Variants in PIGR observed in about 807,000 individuals in gnomAD.
PIGR encodes the protein polymeric immunoglobulin receptor, also known as hepatocellular carcinoma associated protein TB6.
Under a neutral mutation model 69.5 loss-of-function variants are expected in PIGR, and 22 were observed. That is an observed-to-expected ratio of 0.32 (90% confidence interval 0.23 to 0.45). The LOEUF is 0.45. Ranked by LOEUF, PIGR falls within the 20% of genes least tolerant of loss-of-function variation. The pLI is 1.00. For missense variants in PIGR, 885 were observed against 974.0 expected, an observed-to-expected ratio of 0.91 and a Z score of 1.22; for synonymous variants, 413 against 407.6, an observed-to-expected ratio of 1.01 and a Z score of -0.16.
In PIGR at chr1:206,935,507, C is replaced by T. The variant is rs753052182; in HGVS notation, c.1357G>A (p.Val453Met). The T allele has an allele frequency of 2.2e-5, 36 of 1,613,384 alleles. No individual in the cohort carries two copies. The highest frequency in any genetic ancestry group is 2.5e-5 in the Non-Finnish European group (30 of 1,179,564). ...CTACCTTCGATAATCTTGATCTCCA[C>T]GGTGGTCCTCCAGAGAGTATCGCCG... ...TNGDTLWRTT[V>M]EIKIIEGEPN... The change falls in exon 5 of 11, where the codon GTG becomes ATG. Residue 453 changes from valine to methionine, a missense_variant. By Grantham distance (21) the Val-to-Met change is conservative. Transcript: ENST00000356495. The surrounding 1 kb of genome is among the most constrained non-coding windows in gnomAD (Gnocchi z 4.4).
intron 1 of PIGR, among the ~76,000 whole-genome samples, chr1:206,944,388 G>T (rs1022448427): frequency 6.6e-6 from 1 of 152,118 alleles, no homozygotes; most frequent in East Asian, 1.9e-4. Flanking sequence ...TAGGAGAATC[G>T]CTGGAACCCA....
At chr1:206,931,416 G>A in intron 10 of PIGR, 81 bp downstream of exon 10, 1 of 1,612,870 alleles carries the variant, frequency 6.2e-7, no homozygotes, top group Non-Finnish European at 8.5e-7. Flanking sequence ...CCATGTTGAG[G>A]TAGTTCTTTC....
intron 1 of PIGR, among the ~76,000 whole-genome samples, chr1:206,945,351 C>T (rs1680083356): frequency 6.6e-6 from 1 of 152,198 alleles, no homozygotes; most frequent in African/African-American, 2.4e-5. Context: ...ACAAAGGGAA[C>T]TGGGGGTCAG....
Position 206,937,566 on chromosome 1 carries a change from G to A in PIGR, c.574C>T (p.Arg192Cys), listed in dbSNP as rs773272615. ...TGGCCAGTACCCTGAATATCAAGGC[G>A]TATTCTTCCTGTATAGTTGGGATTT... Reference protein sequence around the residue: ...YVNPNYTGRIRLDIQGTGQLL... With the variant: ...YVNPNYTGRICLDIQGTGQLL... Residue 192 changes from arginine to cysteine, a missense_variant, in exon 4 of 11, where the codon CGC becomes TGC. Physicochemically the swap from Arg to Cys is radical, Grantham distance 180 (BLOSUM62 -3). Transcript: ENST00000356495. 1.2e-4 allele frequency: 200 copies of A among 1,613,994 alleles called. No individual in the cohort carries two copies. The highest frequency in any genetic ancestry group is 1.6e-4 in the Non-Finnish European group (186 of 1,179,978).
In PIGR at chr1:206,930,151, A is replaced by C. The variant is rs1465116780; in HGVS notation, c.*167T>G. 2 of 499,662 alleles carry C rather than the reference A, an allele frequency of 4.0e-6. No homozygotes were observed. Among genetic ancestry groups the C allele is most frequent in the Non-Finnish European group, 6.9e-6 (2 of 289,802 alleles). The allele number at this position is 499,662 out of a possible 1,614,324, so 31.0% of individuals were successfully genotyped here. On this transcript the variant is annotated 3_prime_UTR_variant, in exon 11 of 11. Coordinates refer to ENST00000356495, the MANE Select transcript of PIGR (RefSeq NM_002644.4). The surrounding 1 kb of genome is among the most constrained non-coding windows in gnomAD (Gnocchi z 4.3). ...CATCCCCAATAGGAACAATTAGGCC[A>C]GGCTTTGATGTCACTGAGGAGGGGA...
Position 206,937,500 on chromosome 1 carries a change from C to T in PIGR, c.640G>A (p.Asp214Asn), listed in dbSNP as rs1227811946. Reference sequence around the variant, plus strand: ...GCCTGGCAGAGATACTGCCCAGCATCGCTGAGCCTGAGTTGGTTGATGACA... The same window carrying T: ...GCCTGGCAGAGATACTGCCCAGCATTGCTGAGCCTGAGTTGGTTGATGACA... ...SVVINQLRLSDAGQYLCQAGD... is the reference protein window; with the variant it reads ...SVVINQLRLSNAGQYLCQAGD... The change falls in exon 4 of 11, where the codon GAT (aspartate) becomes AAT (asparagine). Residue 214 changes from aspartate to asparagine, a missense_variant. Transcript: ENST00000356495. The T allele has an allele frequency of 1.2e-6, 2 of 1,614,190 alleles. No homozygotes were observed. Among genetic ancestry groups the T allele is most frequent in the Non-Finnish European group, 8.5e-7 (1 of 1,180,020 alleles).
chr1:206,934,154 A>G (rs569426019), intron 6 of PIGR, among the ~76,000 whole-genome samples: 18 of 152,266 alleles, frequency 1.2e-4, no homozygotes, highest in Admixed American at 1.0e-3. Flanking sequence ...GAGCCACCAC[A>G]TTCAGCTGGG....
At position 206,930,218 on chromosome 1, in the gene PIGR, G is replaced by T; in HGVS notation, c.*100C>A. 3.0e-6 allele frequency: 3 copies of T among 990,606 alleles called. No individual in the cohort carries two copies. Among genetic ancestry groups the T allele is most frequent in the South Asian group, 1.7e-5 (1 of 57,390 alleles). 61.4% of individuals were successfully genotyped at this position (990,606 alleles called of 1,614,324 possible). The stretch of plus-strand genomic sequence containing the variant: ...GACAGTAGGAAAAACCTAGGCAGGT[G>T]TTAGAGCAGGGAGTGGGGTCCCCAG... On this transcript the variant is annotated 3_prime_UTR_variant, in exon 11 of 11. Coordinates refer to ENST00000356495, the MANE Select transcript of PIGR (RefSeq NM_002644.4). This position sits in a 1 kb window ranked among gnomAD's most constrained non-coding sequence, Gnocchi z 4.3.
At chr1:206,942,661 G>A (rs1183125609) in intron 1 of PIGR, among the ~76,000 whole-genome samples, 1 of 152,218 alleles carries the variant, frequency 6.6e-6, no homozygotes, top group Non-Finnish European at 1.5e-5. Context: ...GGCCTGGGTT[G>A]CAGAGAGTCA....
rs557459598 is a variant in PIGR at position 206,944,790 on chromosome 1, C to T, written c.-54+1546G>A. Among the ~76,000 whole-genome samples, 4 of 152,184 alleles carry T rather than the reference C, an allele frequency of 2.6e-5. No homozygotes were observed. The South Asian group carries it at 6.2e-4, about 24-fold the overall frequency. On this transcript the variant is annotated intron_variant, in intron 1 of 10. Transcript: ENST00000356495. ...GTTGGATAGTTTGCTTTTTAGGTGACATCAAAATGTCCTCATGACCATATC... is the reference window on the plus strand; with the variant it reads ...GTTGGATAGTTTGCTTTTTAGGTGATATCAAAATGTCCTCATGACCATATC...
intron 4 of PIGR, among the ~76,000 whole-genome samples, chr1:206,936,189 C>CAAAAGTG (rs759026168): frequency 2.0e-5 from 3 of 152,194 alleles, no homozygotes; most frequent in Non-Finnish European, 4.4e-5. Flanking sequence ...GTGTATTCCA[C>CAAAAGTG]AAAAGTGGCC....
intron 1 of PIGR, among the ~76,000 whole-genome samples, chr1:206,943,870 A>G (rs548378026): frequency 6.6e-6 from 1 of 152,318 alleles, no homozygotes; most frequent in African/African-American, 2.4e-5. Context: ...GGTGCTTTAC[A>G]TGTGTTAATG....
chr1:206,930,413 A>T lies in PIGR; in HGVS notation c.2200T>A (p.Ser734Thr). The stretch of plus-strand genomic sequence containing the variant: ...GCCATCTCGGCTTCCTCCTTGGATG[A>T]CTAAGGGGCAAGAGGAGAGGCATCA... ...ETKEPKKAKR[S>T]SKEEAEMAYK... The change falls in exon 11 of 11, where the codon TCA (serine) becomes ACA (threonine). Residue 734 changes from serine (S) to threonine (T), a missense_variant and splice_region_variant. Physicochemically the swap from Ser to Thr is moderately conservative, Grantham distance 58. Transcript: ENST00000356495. The surrounding 1 kb of genome is among the most constrained non-coding windows in gnomAD (Gnocchi z 4.3). 6.2e-7 allele frequency: 1 copy of T among 1,612,784 alleles called. No homozygotes were observed. Among genetic ancestry groups the T allele is most frequent in the Non-Finnish European group, 8.5e-7 (1 of 1,179,400 alleles).
chr1:206,930,622 T>G lies in PIGR; in HGVS notation c.2200-209A>C. 1 of 985,402 alleles carries G rather than the reference T, an allele frequency of 1.0e-6. No individual in the cohort carries two copies. The highest frequency in any genetic ancestry group is 4.7e-5 in the South Asian group (1 of 21,284). 61.0% of individuals were successfully genotyped at this position (985,402 alleles called of 1,614,324 possible). A position where few individuals can be genotyped will look rare whatever the true frequency, so the allele number is the denominator to read the frequency against. Reference sequence around the variant, plus strand: ...AGTTGCAGCCTCTAAAAATATCTTCTTCTGTCTCACTACCTCCTTCTGACA... The same window carrying G: ...AGTTGCAGCCTCTAAAAATATCTTCGTCTGTCTCACTACCTCCTTCTGACA... On this transcript the variant is annotated intron_variant, in intron 10 of 10. Transcript: ENST00000356495. The surrounding 1 kb of genome is among the most constrained non-coding windows in gnomAD (Gnocchi z 4.3).
chr1:206,931,770 T>C lies in PIGR; in HGVS notation c.2041A>G (p.Ile681Val), dbSNP rs750672348. 1.2e-6 allele frequency: 2 copies of C among 1,614,172 alleles called. No homozygotes were observed. Among genetic ancestry groups the C allele is most frequent in the Non-Finnish European group, 1.7e-6 (2 of 1,180,028 alleles). The change falls in exon 9 of 11, where the codon ATT becomes GTT. Residue 681 changes from isoleucine to valine, a missense_variant. Physicochemically the swap from Ile to Val is conservative, Grantham distance 29. Coordinates refer to ENST00000356495, the MANE Select transcript of PIGR (RefSeq NM_002644.4). ...RVSIRSYRTD[I>V]SMSDFENSRE... ...GAGTTCTCGAAGTCTGACATGCTAA[T>C]GTCTGTCCTGTAGCTTCTGATTGAA...
In PIGR at chr1:206,939,084, T is replaced by A. The variant is rs754794613; in HGVS notation, c.388+35A>T. ...TGCACCTTAGAGAATTCCCTCTAAC[T>A]TTCCCCCAGAAGCCCAAGGAGCTTG... On this transcript the variant is annotated intron_variant, in intron 3 of 10. Coordinates refer to ENST00000356495, the MANE Select transcript of PIGR (RefSeq NM_002644.4). 7 of 1,548,520 alleles carry A rather than the reference T, an allele frequency of 4.5e-6. 1 individual carries two copies. The East Asian group carries it at 1.1e-4, about 25-fold the overall frequency.
chr1:206,933,043 G>A lies in PIGR; in HGVS notation c.1829C>T (p.Ala610Val), dbSNP rs200265380. The change falls in exon 7 of 11, where the codon GCG becomes GTG. Residue 610 changes from alanine to valine, a missense_variant. Physicochemically the swap from Ala to Val is moderately conservative, Grantham distance 64. Coordinates refer to ENST00000356495, the MANE Select transcript of PIGR (RefSeq NM_002644.4). ...QDPRLFAEEK[A>V]VADTRDQADG... ...GGCTTGATCTCTTGTATCTGCCACC[G>A]CCTTTTCCTCTGCAAAAAGCCTGGG... 768 of 1,614,148 alleles carry A rather than the reference G, an allele frequency of 4.8e-4. 14 individuals are homozygous for A. The South Asian group carries it at 6.4e-3, about 13-fold the overall frequency.
At chr1:206,931,236 C>T (rs1482436025) in intron 10 of PIGR, 2 of 985,346 alleles carry the variant, frequency 2.0e-6, no homozygotes, top group African/African-American at 3.5e-5. Flanking sequence ...TTCCTCATCT[C>T]CTGGCCTGCC....
chr1:206,932,956 C>T (rs1411004836), intron 7 of PIGR, 30 bp downstream of exon 7: 1 of 1,610,578 alleles, frequency 6.2e-7, no homozygotes, highest in South Asian at 1.1e-5. Flanking sequence ...GGGGTGTTCT[C>T]CGAGTGGGGA....
Sources: gnomAD v4.1 joint callset for allele counts (sites outside exome capture counted in the v4.1 genomes callset) on GRCh38, gnomAD v4.1.1 for gene constraint, Gnocchi (gnomAD v3.1) non-coding constraint, MANE v1.5 for transcripts, NCBI Gene and HGNC (gene_info 2026-07-23, HGNC 2026-07-21) for gene names.